The following FLVCR2 variants were observed in gnomAD, a reference collection of about 807,000 sequenced individuals.
FLVCR2 encodes the protein choline/ethanolamine transporter FLVCR2.
In FLVCR2, 38 loss-of-function variants were observed where a neutral mutation model predicts 48.9. That is an observed-to-expected ratio of 0.78 (90% CI 0.60 to 1.02). FLVCR2 has a LOEUF of 1.02. Among genes scored for constraint, FLVCR2 ranks in the 50% least tolerant of loss-of-function variants. FLVCR2 has a pLI of 0.00. For synonymous variants in FLVCR2, 255 were observed against 257.0 expected, an observed-to-expected ratio of 0.99 and a Z score of 0.07; for missense variants, 664 against 663.3, an observed-to-expected ratio of 1.00 and a Z score of -0.01.
At chr14:75,625,589 G>T (rs1170905620) in intron 3 of FLVCR2, among the ~76,000 whole-genome samples, 2 of 151,870 alleles carry the variant, frequency 1.3e-5, no homozygotes, top group African/African-American at 4.9e-5. Flanking sequence ...CCTACATTTG[G>T]TCATTTAATC....
chr14:75,579,906 G>C (rs983697491), intron 1 of FLVCR2, among the ~76,000 whole-genome samples: 1 of 152,192 alleles, frequency 6.6e-6, no homozygotes, highest in Admixed American at 6.5e-5. Flanking sequence ...TGTCGTTCTC[G>C]AACCTGTGTC....
chr14:75,579,837 C>T (rs1888550824), intron 1 of FLVCR2, among the ~76,000 whole-genome samples, 196 bp downstream of exon 1: 1 of 152,226 alleles, frequency 6.6e-6, no homozygotes, highest in African/African-American at 2.4e-5. Flanking sequence ...GCTCTTTCAT[C>T]CACAGTTGCT....
intron 1 of FLVCR2, among the ~76,000 whole-genome samples, chr14:75,618,670 C>G (rs1390784584): frequency 6.6e-6 from 1 of 152,206 alleles, no homozygotes; most frequent in East Asian, 1.9e-4. Context: ...GATTCAGGCC[C>G]CAGGTCTCTG....
intron 1 of FLVCR2, among the ~76,000 whole-genome samples, chr14:75,599,023 AGAAAGCTCCAGGCCCTCAT>A (rs1889095491): frequency 6.6e-6 from 1 of 152,236 alleles, no homozygotes; most frequent in Non-Finnish European, 1.5e-5. Flanking sequence ...ATGGTGGACT[AGAAAGCTCCAGGCCCTCAT>A]TTTCCTACAG....
At chr14:75,605,675 T>G (rs938695911) in intron 1 of FLVCR2, 3 of 1,509,598 alleles carry the variant, frequency 2.0e-6, no homozygotes, top group Non-Finnish European at 1.8e-6. Flanking sequence ...CAGCCGTGTG[T>G]CCGGAGCCTT....
chr14:75,598,961 G>C (rs1257935673), intron 1 of FLVCR2, among the ~76,000 whole-genome samples: 1 of 152,134 alleles, frequency 6.6e-6, no homozygotes, highest in Non-Finnish European at 1.5e-5. Context: ...TATCTCCTTG[G>C]GTTATACCCT....
At chr14:75,609,924 A>G (rs1319844895) in intron 1 of FLVCR2, among the ~76,000 whole-genome samples, 1 of 152,108 alleles carries the variant, frequency 6.6e-6, no homozygotes, top group Non-Finnish European at 1.5e-5. Flanking sequence ...GTTAGTGTTA[A>G]GGGAATGCAG....
At chr14:75,604,562 T>C (rs1359455767) in intron 1 of FLVCR2, among the ~76,000 whole-genome samples, 1 of 146,566 alleles carries the variant, frequency 6.8e-6, no homozygotes, top group Non-Finnish European at 1.5e-5. Context: ...TGTCTCTACC[T>C]AAAAAAAAAA....
intron 3 of FLVCR2, chr14:75,631,671 G>A (rs1890041456): frequency 2.3e-6 from 1 of 436,976 alleles, no homozygotes; most frequent in Non-Finnish European, 4.6e-6. Context: ...GGCTAGGGCA[G>A]GCAAGAGGCT....
At chr14:75,596,065 A>C in intron 1 of FLVCR2, 1 of 1,237,452 alleles carries the variant, frequency 8.1e-7, no homozygotes, top group African/African-American at 1.5e-5. Context: ...GTGGTCTTGT[A>C]CATTTTGGCT....
intron 5 of FLVCR2, among the ~76,000 whole-genome samples, chr14:75,638,206 C>T (rs972334945): frequency 5.9e-5 from 9 of 152,104 alleles, no homozygotes; most frequent in South Asian, 2.1e-4. Flanking sequence ...GAGGCCAAGG[C>T]GGGCAGATCA....
chr14:75,632,996 C>T lies in FLVCR2; in HGVS notation c.953-633C>T, dbSNP rs181845171. ...TACTCACTTGCTGTATGACTTTGGG[C>T]AAATGACCTTATTCGCTAAAGATAC... On this transcript the variant is annotated intron_variant, in intron 3 of 9. Coordinates refer to ENST00000238667, the MANE Select transcript of FLVCR2 (RefSeq NM_017791.3). 62 of 702,024 alleles carry T rather than the reference C, an allele frequency of 8.8e-5. No homozygotes were observed. The African/African-American group carries it at 8.9e-4, about 10-fold the overall frequency. 43.5% of individuals were successfully genotyped at this position (702,024 alleles called of 1,614,324 possible).
At chr14:75,622,532 C>T (rs911755244) in intron 2 of FLVCR2, among the ~76,000 whole-genome samples, 1 of 152,152 alleles carries the variant, frequency 6.6e-6, no homozygotes, top group Admixed American at 6.5e-5. Context: ...AGCACTTAGG[C>T]CATCACAGGC....
chr14:75,639,686 G>A (rs145601517), intron 6 of FLVCR2, among the ~76,000 whole-genome samples: 3 of 152,214 alleles, frequency 2.0e-5, no homozygotes, highest in African/African-American at 4.8e-5. Context: ...CACCCTTCGC[G>A]ACCTCTTGGA....
At position 75,625,383 on chromosome 14, in the gene FLVCR2, A is replaced by G. The variant is rs1273105448; in HGVS notation, c.952+631A>G. 2.6e-5 allele frequency among the ~76,000 whole-genome samples: 4 copies of G among 151,900 alleles called. No homozygotes were observed. In the South Asian group the frequency reaches 8.3e-4, roughly 31 times the overall value. Reference sequence around the variant, plus strand: ...GATAAATTGGAATCTTTATGCTAACATGTTGGCTTTCTTTCCCCGCATGGT... The same window carrying G: ...GATAAATTGGAATCTTTATGCTAACGTGTTGGCTTTCTTTCCCCGCATGGT... On this transcript the variant is annotated intron_variant, in intron 3 of 9. Coordinates refer to ENST00000238667, the MANE Select transcript of FLVCR2 (RefSeq NM_017791.3).
chr14:75,585,761 A>G (rs541946148), intron 1 of FLVCR2, among the ~76,000 whole-genome samples: 5 of 152,316 alleles, frequency 3.3e-5, no homozygotes, highest in African/African-American at 7.2e-5. Flanking sequence ...TCCCGAGTCC[A>G]TGACCGGTGC....
At chr14:75,616,026 C>CA (rs10629813) in intron 1 of FLVCR2, among the ~76,000 whole-genome samples, 573 of 25,612 alleles carry the variant, frequency 0.022, 69 homozygotes, top group African/African-American at 0.081. Context: ...GACTCCATCT[C>CA]AAAAAAAAAA....
rs910647361 is a variant in FLVCR2, at chr14:75,626,688, C to A, written c.952+1936C>A. The stretch of plus-strand genomic sequence containing the variant: ...GTATTCAAGCATAGATGGGACTAAC[C>A]ACTTGATGGGAATGTTGTAGGGGAT... On this transcript the variant is annotated intron_variant, in intron 3 of 9. Transcript: ENST00000238667. 2.6e-5 allele frequency among the ~76,000 whole-genome samples: 4 copies of A among 151,864 alleles called. 2 individuals carry two copies. The highest frequency in any genetic ancestry group is 9.7e-5 in the African/African-American group (4 of 41,156).
At chr14:75,642,384 C>A (rs1399660283) in intron 9 of FLVCR2, among the ~76,000 whole-genome samples, 1 of 152,158 alleles carries the variant, frequency 6.6e-6, no homozygotes, top group Non-Finnish European at 1.5e-5. Context: ...CAAAGAATTG[C>A]CAGTGGGGCT....
Sources: allele counts gnomAD v4.1 joint callset (sites outside exome capture counted in the v4.1 genomes callset), GRCh38; gene constraint gnomAD v4.1.1; transcripts MANE v1.5; gene names NCBI Gene and HGNC (gene_info 2026-07-23, HGNC 2026-07-21).